The following RNGTT variants were observed in gnomAD, a reference collection of about 807,000 sequenced individuals.
The protein encoded by RNGTT is RNA guanylyltransferase and 5'-phosphatase.
A neutral mutation model predicts 79.3 loss-of-function variants in RNGTT; 33 were observed. The observed-to-expected ratio is 0.42, with a 90% CI of 0.32 to 0.56. The LOEUF (loss-of-function observed/expected upper bound fraction) is 0.56. RNGTT is among the 20% of genes least tolerant of loss of function. RNGTT has a pLI of 0.17. For missense variants in RNGTT, 497 were observed against 739.1 expected, an observed-to-expected ratio of 0.67 and a Z score of 3.80; for synonymous variants, 222 against 235.9, an observed-to-expected ratio of 0.94 and a Z score of 0.54.
chr6:88,673,834 C>G (rs1264737854), intron 14 of RNGTT, among the ~76,000 whole-genome samples: 1 of 152,224 alleles, frequency 6.6e-6, no homozygotes, highest in Non-Finnish European at 1.5e-5. Flanking sequence ...AAAAAATTCT[C>G]TCCTTACTGA....
Position 88,610,991 on chromosome 6 carries a change from G to A in RNGTT, c.*1728C>T, listed in dbSNP as rs976386929. 6.6e-6 allele frequency: 1 copy of A among 152,066 alleles called. No individual in the cohort carries two copies. The highest frequency in any genetic ancestry group is 2.4e-5 in the African/African-American group (1 of 41,416). 9.4% of individuals were successfully genotyped at this position (152,066 alleles called of 1,614,324 possible). A position where few individuals can be genotyped will look rare whatever the true frequency, so the allele number is the denominator to read the frequency against. ...TTTGTAAAAGATACTATGGAACCTT[G>A]AGAATTTTCCCTCCTTCAATAGTCA... On this transcript the variant is annotated 3_prime_UTR_variant, in exon 16 of 16. Transcript: ENST00000369485.
At chr6:88,946,574 C>T (rs571936715) in intron 1 of RNGTT, among the ~76,000 whole-genome samples, 1 of 152,242 alleles carries the variant, frequency 6.6e-6, no homozygotes, top group Admixed American at 6.5e-5. Context: ...AAAGCTAGGC[C>T]TCTTGCACCA....
chr6:88,931,295 T>C (rs1338461429), intron 2 of RNGTT, among the ~76,000 whole-genome samples: 1 of 151,322 alleles, frequency 6.6e-6, no homozygotes, highest in African/African-American at 2.4e-5. Flanking sequence ...CCAGCATATA[T>C]AATGTGCTAC....
At chr6:88,744,722 T>C (rs956002079) in intron 13 of RNGTT, among the ~76,000 whole-genome samples, 2 of 152,178 alleles carry the variant, frequency 1.3e-5, no homozygotes, top group African/African-American at 2.4e-5. Flanking sequence ...AGAATTTCAA[T>C]GCATTGTTAT....
chr6:88,615,337 T>TA (rs1772177348), intron 14 of RNGTT, among the ~76,000 whole-genome samples: 1 of 152,218 alleles, frequency 6.6e-6, no homozygotes, highest in Admixed American at 6.5e-5. Flanking sequence ...TGACGAGAAG[T>TA]AAGTTTTTAA....
At chr6:88,896,653 C>G (rs2127937828) in intron 6 of RNGTT, among the ~76,000 whole-genome samples, 1 of 152,176 alleles carries the variant, frequency 6.6e-6, no homozygotes, top group East Asian at 1.9e-4. Flanking sequence ...CATTCCAGTG[C>G]CTGAGTTCCA....
At chr6:88,927,584 C>T (rs541123692) in intron 4 of RNGTT, among the ~76,000 whole-genome samples, 1 of 151,880 alleles carries the variant, frequency 6.6e-6, no homozygotes, top group South Asian at 2.1e-4. Context: ...ATTGCTTGAA[C>T]CCAGGAGGCA....
At chr6:88,786,294 T>A (rs1277769704) in intron 12 of RNGTT, among the ~76,000 whole-genome samples, 1 of 152,000 alleles carries the variant, frequency 6.6e-6, no homozygotes, top group East Asian at 1.9e-4. Context: ...TGTAATATGC[T>A]ACATAAATCT....
chr6:88,909,741 G>T (rs896613938), intron 4 of RNGTT, among the ~76,000 whole-genome samples: 2 of 152,172 alleles, frequency 1.3e-5, no homozygotes, highest in Non-Finnish European at 2.9e-5. Flanking sequence ...GCGCAGCTGT[G>T]TAAGAGCCTA....
chr6:88,871,022 T>G (rs895759535), intron 8 of RNGTT, among the ~76,000 whole-genome samples: 2 of 152,184 alleles, frequency 1.3e-5, no homozygotes, highest in Admixed American at 6.5e-5. Context: ...CAGAAAATGC[T>G]GTTTGTAGTT....
chr6:88,960,391 T>TA (rs1785576633), intron 1 of RNGTT, among the ~76,000 whole-genome samples: 2 of 152,258 alleles, frequency 1.3e-5, no homozygotes. Context: ...TAGTAAGCTC[T>TA]TTACATAGCA....
intron 14 of RNGTT, among the ~76,000 whole-genome samples, chr6:88,626,619 A>T (rs747029625): frequency 5.3e-5 from 8 of 152,090 alleles, no homozygotes; most frequent in Non-Finnish European, 1.2e-4. Context: ...TGACTGCATC[A>T]TCTCTGCTGT....
chr6:88,806,357 G>A lies in RNGTT; in HGVS notation c.1270-4725C>T, dbSNP rs1012275942. Among the ~76,000 whole-genome samples, 24 of 144,692 alleles carry A rather than the reference G, an allele frequency of 1.7e-4. No individual in the cohort carries two copies. In the South Asian group the frequency reaches 2.6e-3, roughly 16 times the overall value. 94.9% of individuals were successfully genotyped at this position (144,692 alleles called of 152,430 possible). On this transcript the variant is annotated intron_variant, in intron 11 of 15. Coordinates refer to ENST00000369485, the MANE Select transcript of RNGTT (RefSeq NM_003800.5). ...TTTTGAGATGGAGTCTCACTCTGTC[G>A]CCCAGGCTGGAGTGCAGTGGCACAG...
intron 8 of RNGTT, among the ~76,000 whole-genome samples, chr6:88,887,524 G>A (rs1376895127): frequency 6.6e-6 from 1 of 152,086 alleles, no homozygotes; most frequent in East Asian, 1.9e-4. Context: ...AAACAGAGTA[G>A]GTATTCAATA....
rs572468475 is a variant in RNGTT, at chr6:88,906,656, T to C, written c.368-216A>G. On this transcript the variant is annotated intron_variant, in intron 4 of 15. Coordinates refer to ENST00000369485, the MANE Select transcript of RNGTT (RefSeq NM_003800.5). ...ACTAGCTAGAAGTTTAAGTGTAATA[T>C]ATAGGTTTATTGATGTAAAACTGTC... 5.9e-4 allele frequency among the ~76,000 whole-genome samples: 90 copies of C among 152,314 alleles called. 2 individuals carry two copies. The South Asian group carries it at 0.018, about 31-fold the overall frequency.
Position 88,766,163 on chromosome 6 carries a change from T to C in RNGTT, c.1439+3611A>G, listed in dbSNP as rs77876122. On this transcript the variant is annotated intron_variant, in intron 13 of 15. Transcript: ENST00000369485. ...CGTCTTATGAGGCCAACTTATTTTA[T>C]TGATGAAGAACTTGACACACAGAAA... Among the ~76,000 whole-genome samples, 812 of 152,282 alleles carry C rather than the reference T, an allele frequency of 5.3e-3. 6 individuals carry two copies. Among genetic ancestry groups the C allele is most frequent in the African/African-American group, 0.019 (775 of 41,574 alleles).
chr6:88,736,788 G>C (rs1266513575), intron 13 of RNGTT, among the ~76,000 whole-genome samples: 1 of 152,186 alleles, frequency 6.6e-6, no homozygotes, highest in Non-Finnish European at 1.5e-5. Context: ...AATGAAGGAA[G>C]GCAGACTTCA....
intron 7 of RNGTT, among the ~76,000 whole-genome samples, chr6:88,890,873 T>C (rs1783027670): frequency 6.6e-6 from 1 of 152,208 alleles, no homozygotes; most frequent in Non-Finnish European, 1.5e-5. Flanking sequence ...ATCTAAATAG[T>C]AAAGCAGGTA....
At chr6:88,807,391 C>T (rs930114572) in intron 11 of RNGTT, among the ~76,000 whole-genome samples, 1 of 151,990 alleles carries the variant, frequency 6.6e-6, no homozygotes, top group Non-Finnish European at 1.5e-5. Context: ...TAAAAACACA[C>T]AACATCAGAG....
Sources: allele counts gnomAD v4.1 joint callset (sites outside exome capture counted in the v4.1 genomes callset), GRCh38; gene constraint gnomAD v4.1.1; transcripts MANE v1.5; gene names NCBI Gene and HGNC (gene_info 2026-07-23, HGNC 2026-07-21).